SPOCK1: variants seen among roughly 807,000 people sequenced by gnomAD.
SPOCK1 encodes SPARC (osteonectin), cwcv and kazal like domains proteoglycan 1.
SPOCK1 carries 23 observed loss-of-function variants against 55.3 expected under a neutral mutation model. The observed-to-expected ratio is 0.42, with a 90% CI of 0.30 to 0.59. The LOEUF is 0.59. SPOCK1 is among the 20% of genes least tolerant of loss of function. SPOCK1 has a pLI of 0.22. For missense variants in SPOCK1, 499 were observed against 552.5 expected (o/e 0.90, Z 0.97); for synonymous variants, 226 against 221.0 (o/e 1.02, Z -0.20).
At chr5:137,046,274 T>G (rs1384356344) in intron 6 of SPOCK1, among the ~76,000 whole-genome samples, 1 of 116,170 alleles carries the variant, frequency 8.6e-6, no homozygotes, top group African/African-American at 3.1e-5. Flanking sequence ...TTCCTACCCA[T>G]GAGCATGGAA....
intron 9 of SPOCK1, among the ~76,000 whole-genome samples, chr5:136,979,965 C>T (rs535732190): frequency 1.4e-4 from 22 of 152,292 alleles, no homozygotes; most frequent in East Asian, 7.7e-4. Context: ...ACTTTCTATA[C>T]GCATTAACTA....
rs1752575713 is a variant in SPOCK1, at chr5:137,424,862, G to A, written c.186+73511C>T. On this transcript the variant is annotated intron_variant, in intron 2 of 10. Coordinates refer to ENST00000394945, the MANE Select transcript of SPOCK1 (RefSeq NM_004598.4). ...ATAAAGGGGCATGAGGAAAGTTTGG[G>A]TAATAAAAATGTTCTAAATCTTGAT... Among the ~76,000 whole-genome samples the A allele has an allele frequency of 2.0e-5, 3 of 152,180 alleles. No homozygotes were observed. In the South Asian group the frequency reaches 6.2e-4, roughly 32 times the overall value.
chr5:137,144,282 A>C (rs953288264), intron 3 of SPOCK1, among the ~76,000 whole-genome samples: 1 of 152,132 alleles, frequency 6.6e-6, no homozygotes, highest in Non-Finnish European at 1.5e-5. Context: ...ACCTTAGGCT[A>C]ACTCCTGTAG....
At chr5:137,154,813 G>C (rs1580779784) in intron 3 of SPOCK1, among the ~76,000 whole-genome samples, 1 of 152,194 alleles carries the variant, frequency 6.6e-6, no homozygotes, top group Admixed American at 6.5e-5. Flanking sequence ...ACAGAAACCA[G>C]ATCACCAACT....
chr5:137,365,531 C>A (rs1298208861), intron 2 of SPOCK1: 1 of 152,148 alleles, frequency 6.6e-6, no homozygotes, highest in East Asian at 1.9e-4. Context: ...TGGGGCAAAC[C>A]CTCTCTTTGG....
chr5:137,250,352 TG>T (rs1561484199), intron 3 of SPOCK1, among the ~76,000 whole-genome samples: 1 of 152,226 alleles, frequency 6.6e-6, no homozygotes, highest in Non-Finnish European at 1.5e-5. Flanking sequence ...TTTCCTTTCC[TG>T]TAAGATAGGT....
chr5:137,271,659 T>C (rs1451724244), intron 2 of SPOCK1, among the ~76,000 whole-genome samples: 2 of 152,170 alleles, frequency 1.3e-5, no homozygotes, highest in Admixed American at 1.3e-4. Flanking sequence ...AGCTCAAATA[T>C]TCACCAGGGA....
intron 8 of SPOCK1, among the ~76,000 whole-genome samples, chr5:136,987,939 T>C (rs1290725004): frequency 6.6e-6 from 1 of 152,188 alleles, no homozygotes; most frequent in Non-Finnish European, 1.5e-5. Context: ...AAATCTTGCC[T>C]CTTTTTTTCA....
chr5:137,362,934 G>T (rs758583763), intron 2 of SPOCK1, among the ~76,000 whole-genome samples: 4 of 152,176 alleles, frequency 2.6e-5, no homozygotes, highest in Non-Finnish European at 5.9e-5. Context: ...TAAATCACTT[G>T]CCAGGCTATA....
At chr5:137,303,402 T>C (rs1270246354) in intron 2 of SPOCK1, among the ~76,000 whole-genome samples, 1 of 152,158 alleles carries the variant, frequency 6.6e-6, no homozygotes, top group African/African-American at 2.4e-5. Flanking sequence ...GATTATTCTA[T>C]GTGATAAGTC....
At chr5:137,091,314 T>C (rs1031362656) in intron 5 of SPOCK1, among the ~76,000 whole-genome samples, 1 of 152,162 alleles carries the variant, frequency 6.6e-6, no homozygotes, top group Non-Finnish European at 1.5e-5. Context: ...GTAAAGGCTC[T>C]AGCAAAACAC....
chr5:137,137,146 T>C (rs542730214), intron 4 of SPOCK1, among the ~76,000 whole-genome samples: 54 of 152,334 alleles, frequency 3.5e-4, no homozygotes, highest in African/African-American at 1.3e-3. Context: ...CTTGCAAAGA[T>C]AGCCTAAGTC....
intron 2 of SPOCK1, among the ~76,000 whole-genome samples, chr5:137,379,869 T>G (rs1751421885): frequency 6.6e-6 from 1 of 152,226 alleles, no homozygotes; most frequent in African/African-American, 2.4e-5. Flanking sequence ...CTCAAGTCAT[T>G]CAGACCTTAG....
At chr5:137,473,285 G>A (rs1314917692) in intron 2 of SPOCK1, among the ~76,000 whole-genome samples, 2 of 152,178 alleles carry the variant, frequency 1.3e-5, no homozygotes, top group African/African-American at 4.8e-5. Flanking sequence ...CCCTATGAAA[G>A]AGTGCGAAAG....
chr5:137,405,341 G>A (rs543231271), intron 2 of SPOCK1, among the ~76,000 whole-genome samples: 8 of 152,262 alleles, frequency 5.3e-5, no homozygotes, highest in African/African-American at 7.2e-5. Context: ...CCCATAAATC[G>A]GCTGAACTGC....
chr5:137,498,602 G>C, intron 1 of SPOCK1, 44 bp from the exon 2 acceptor site: 1 of 1,274,662 alleles, frequency 7.8e-7, no homozygotes, highest in African/African-American at 1.6e-5. Flanking sequence ...GAGGGCGGGC[G>C]GCCGCGAGCC....
chr5:137,434,703 G>A (rs1049490091), intron 2 of SPOCK1, among the ~76,000 whole-genome samples: 20 of 151,328 alleles, frequency 1.3e-4, no homozygotes, highest in African/African-American at 4.6e-4. Context: ...GGGTTTCACC[G>A]TGTTACCCAG....
chr5:137,198,556 G>C (rs1178573902), intron 3 of SPOCK1, among the ~76,000 whole-genome samples: 1 of 152,164 alleles, frequency 6.6e-6, no homozygotes, highest in Admixed American at 6.5e-5. Context: ...TGCTAATGAA[G>C]TTAAACTTTT....
chr5:137,254,410 A>C (rs1756595516), intron 3 of SPOCK1, among the ~76,000 whole-genome samples: 1 of 152,196 alleles, frequency 6.6e-6, no homozygotes, highest in Admixed American at 6.5e-5. Flanking sequence ...TGTCAAAAAA[A>C]AATTTATAAA....
Sources: allele counts gnomAD v4.1 joint callset (sites outside exome capture counted in the v4.1 genomes callset), GRCh38; gene constraint gnomAD v4.1.1; transcripts MANE v1.5; gene names NCBI Gene and HGNC (gene_info 2026-07-23, HGNC 2026-07-21).